Variants in TDRD3 observed in about 807,000 individuals in gnomAD.
TDRD3 encodes the protein tudor domain containing 3.
In TDRD3, 45 loss-of-function variants were observed where a neutral mutation model predicts 86.7. The ratio of observed to expected loss-of-function variants is 0.52; its 90% CI spans 0.41 to 0.67. TDRD3 has a LOEUF of 0.67. TDRD3 is among the 30% of genes least tolerant of loss of function. The pLI, the probability that TDRD3 is intolerant of heterozygous loss-of-function variation, is 0.00. For synonymous variants in TDRD3, 298 were observed against 301.7 expected (o/e 0.99, Z 0.13); for missense variants, 814 against 889.0 (o/e 0.92, Z 1.07).
At chr13:60,562,262 A>C (rs771583900) in intron 12 of TDRD3, among the ~76,000 whole-genome samples, 2 of 152,000 alleles carry the variant, frequency 1.3e-5, no homozygotes, top group African/African-American at 2.4e-5. Flanking sequence ...GCAGCGAGCC[A>C]AGATTGCACC....
At chr13:60,548,575 T>C (rs1957981976) in intron 12 of TDRD3, among the ~76,000 whole-genome samples, 1 of 152,222 alleles carries the variant, frequency 6.6e-6, no homozygotes, top group African/African-American at 2.4e-5. Context: ...TTTTGTTTTT[T>C]TAAGCCTTGA....
At chr13:60,400,216 A>G (rs1409033881) in intron 1 of TDRD3, among the ~76,000 whole-genome samples, 4 of 152,236 alleles carry the variant, frequency 2.6e-5, no homozygotes. Context: ...TATCTAGATA[A>G]CAATTTTACT....
At chr13:60,463,413 A>T (rs1955845800) in intron 4 of TDRD3, among the ~76,000 whole-genome samples, 1 of 151,940 alleles carries the variant, frequency 6.6e-6, no homozygotes, top group Non-Finnish European at 1.5e-5. Flanking sequence ...AATTACTAGA[A>T]GAAAACATTG....
At chr13:60,555,938 C>T (rs1417440539) in intron 12 of TDRD3, among the ~76,000 whole-genome samples, 1 of 151,226 alleles carries the variant, frequency 6.6e-6, no homozygotes, top group Non-Finnish European at 1.5e-5. Flanking sequence ...GCAAGCTCCA[C>T]CTCCCAGGTT....
intron 10 of TDRD3, among the ~76,000 whole-genome samples, chr13:60,512,869 T>A (rs1292357733): frequency 6.6e-6 from 1 of 152,122 alleles, no homozygotes; most frequent in Non-Finnish European, 1.5e-5. Context: ...TGGTGCAAGC[T>A]GTTGGTGGAT....
chr13:60,469,684 C>T (rs776030917), intron 5 of TDRD3, among the ~76,000 whole-genome samples: 1 of 152,102 alleles, frequency 6.6e-6, no homozygotes, highest in Admixed American at 6.6e-5. Flanking sequence ...ACTTGAGCAG[C>T]TGGCAGTGAT....
chr13:60,557,695 A>T (rs960374475), intron 12 of TDRD3, among the ~76,000 whole-genome samples: 16 of 151,156 alleles, frequency 1.1e-4, no homozygotes, highest in Non-Finnish European at 1.6e-4. Flanking sequence ...TGATATAAAA[A>T]TTTTTTCTTA....
At chr13:60,506,684 G>A (rs1315771999) in intron 8 of TDRD3, among the ~76,000 whole-genome samples, 1 of 152,276 alleles carries the variant, frequency 6.6e-6, no homozygotes. Flanking sequence ...TGGAACCTGG[G>A]AGGCGGAGTT....
intron 5 of TDRD3, among the ~76,000 whole-genome samples, chr13:60,478,217 A>G (rs1029541225): frequency 6.7e-6 from 1 of 149,142 alleles, no homozygotes; most frequent in African/African-American, 2.5e-5. Flanking sequence ...TGGTTGTAAT[A>G]CCATATTTGT....
intron 11 of TDRD3, 136 bp from the exon 12 acceptor site, chr13:60,534,971 CA>C: frequency 1.5e-6 from 1 of 672,386 alleles, no homozygotes; most frequent in East Asian, 3.8e-5. Flanking sequence ...TAATGTGACT[CA>C]AAAGGGTTCC....
At chr13:60,488,590 T>A (rs1956504352) in intron 7 of TDRD3, among the ~76,000 whole-genome samples, 1 of 152,158 alleles carries the variant, frequency 6.6e-6, no homozygotes, top group African/African-American at 2.4e-5. Flanking sequence ...TTTTTTTTAT[T>A]TTTGACAGAG....
At chr13:60,434,357 A>G (rs1566188037) in intron 1 of TDRD3, among the ~76,000 whole-genome samples, 1 of 151,320 alleles carries the variant, frequency 6.6e-6, no homozygotes, top group Non-Finnish European at 1.5e-5. Context: ...AATCCCAGCT[A>G]TTTGGGGGAC....
At chr13:60,480,043 T>G (rs1956277426) in intron 5 of TDRD3, among the ~76,000 whole-genome samples, 1 of 152,200 alleles carries the variant, frequency 6.6e-6, no homozygotes. Flanking sequence ...TGTCATCATA[T>G]TGCTAGGTGG....
chr13:60,405,933 T>C (rs1310163841), intron 1 of TDRD3, among the ~76,000 whole-genome samples: 1 of 152,094 alleles, frequency 6.6e-6, no homozygotes, highest in Non-Finnish European at 1.5e-5. Flanking sequence ...GGACAGGACT[T>C]TTTGACAGAT....
intron 10 of TDRD3, among the ~76,000 whole-genome samples, chr13:60,514,487 A>T (rs1385507412): frequency 1.3e-5 from 2 of 152,184 alleles, no homozygotes; most frequent in African/African-American, 4.8e-5. Context: ...CAAAATTTTT[A>T]ATCTCTCCTA....
intron 1 of TDRD3, among the ~76,000 whole-genome samples, chr13:60,425,106 A>G (rs1954768583): frequency 6.6e-6 from 1 of 152,230 alleles, no homozygotes; most frequent in South Asian, 2.1e-4. Context: ...TATTCAAGGA[A>G]AAAATGCATA....
intron 11 of TDRD3, among the ~76,000 whole-genome samples, chr13:60,532,997 G>GAT (rs1398911188): frequency 1.3e-5 from 2 of 152,108 alleles, no homozygotes; most frequent in East Asian, 3.9e-4. Context: ...GTCATGCTAA[G>GAT]ATATAGCATG....
chr13:60,528,185 T>C lies in TDRD3; in HGVS notation c.1142-182T>C, dbSNP rs546832438. On this transcript the variant is annotated intron_variant, in intron 10 of 13. Coordinates refer to ENST00000377881, the MANE Select transcript of TDRD3 (RefSeq NM_001146070.2). ...TTAATGTTGCTGACTAAGAAAACTGTACATTAGAAATGCAGGACTCCAAGG... is the reference window on the plus strand; with the variant it reads ...TTAATGTTGCTGACTAAGAAAACTGCACATTAGAAATGCAGGACTCCAAGG... 1.2e-4 allele frequency among the ~76,000 whole-genome samples: 18 copies of C among 152,306 alleles called. No individual in the cohort carries two copies. In the South Asian group the frequency reaches 3.7e-3, roughly 32 times the overall value.
At chr13:60,517,973 C>T (rs150430441) in intron 10 of TDRD3, among the ~76,000 whole-genome samples, 4 of 152,304 alleles carry the variant, frequency 2.6e-5, no homozygotes, top group African/African-American at 7.2e-5. Flanking sequence ...AACAAAAACC[C>T]TGGTCTTTCA....
Sources: allele counts gnomAD v4.1 joint callset (sites outside exome capture counted in the v4.1 genomes callset), GRCh38; gene constraint gnomAD v4.1.1; transcripts MANE v1.5; gene names NCBI Gene and HGNC (gene_info 2026-07-23, HGNC 2026-07-21).